The following BPTF variants were observed in gnomAD, a reference collection of about 807,000 sequenced individuals.
BPTF encodes bromodomain PHD finger transcription factor.
A neutral mutation model predicts 292.5 loss-of-function variants in BPTF; 18 were observed. The ratio of observed to expected loss-of-function variants is 0.06; its 90% confidence interval spans 0.04 to 0.09. The LOEUF is 0.09. Ranked by LOEUF, BPTF falls within the 10% of genes least tolerant of loss-of-function variation. The pLI, the probability that BPTF is intolerant of heterozygous loss-of-function variation, is 1.00. For missense variants in BPTF, 2,726 were observed against 3,498.7 expected, an observed-to-expected ratio of 0.78 and a Z score of 5.57; for synonymous variants, 1,225 against 1,251.9, an observed-to-expected ratio of 0.98 and a Z score of 0.45.
chr17:67,944,169 C>T lies in BPTF; in HGVS notation c.6497C>T (p.Thr2166Ile), dbSNP rs781971251. The change falls in exon 20 of 28, where the codon ACA becomes ATA. Residue 2166 changes from threonine (T) to isoleucine (I), a missense_variant. Coordinates refer to ENST00000306378, the MANE Select transcript of BPTF (RefSeq NM_182641.4). ...CCACAGGGTGGCAATCAAGGTTTGA[C>T]AGTAGTAATTCAAGGACAAGGTCAA... is the stretch of plus-strand genomic sequence containing the variant. ...TQGHGGNQGL[T>I]VVIQGQGQTT... 1 of 1,614,198 alleles carries T rather than the reference C, an allele frequency of 6.2e-7. No homozygotes were observed.
At chr17:67,861,832 A>G (rs975745423) in intron 2 of BPTF, among the ~76,000 whole-genome samples, 4 of 152,210 alleles carry the variant, frequency 2.6e-5, no homozygotes, top group Non-Finnish European at 4.4e-5. Context: ...CCTGTTGGCT[A>G]ACTAGCTCAT....
intron 22 of BPTF, 46 bp from the exon 23 acceptor site, chr17:67,948,035 C>A: frequency 6.4e-7 from 1 of 1,556,798 alleles, no homozygotes; most frequent in Non-Finnish European, 8.8e-7. Context: ...TTAAGCCTTT[C>A]AAAATGAAAC....
chr17:67,826,029 CG>C lies in BPTF; in HGVS notation c.311del (p.Gly104AlafsTer133). 1 of 1,177,974 alleles carries C rather than the reference CG, an allele frequency of 8.5e-7. No individual in the cohort carries two copies. 73.0% of individuals were successfully genotyped at this position (1,177,974 alleles called of 1,614,324 possible). A position where few individuals can be genotyped will look rare whatever the true frequency, so the allele number is the denominator to read the frequency against. On this transcript the variant is annotated frameshift_variant, in exon 1 of 28. Transcript: ENST00000306378. LOFTEE classifies it high-confidence loss of function. ...RGGRGGGGGRTGGGGGGGHLA... is the reference protein window; with the variant it reads ...RGGRGGGGGRXGGGGGGGHLA... ...GGGCGAGGAGGCGGGGGCGGCAGGA[CG>C]GGGGGCGGGGGCGGCGGCGGCCACC... is the stretch of plus-strand genomic sequence containing the variant.
At chr17:67,852,185 G>A (rs138351274) in intron 1 of BPTF, among the ~76,000 whole-genome samples, 178 of 151,974 alleles carry the variant, frequency 1.2e-3, no homozygotes, top group African/African-American at 4.2e-3. Flanking sequence ...TAATGACGTT[G>A]TATTTATACA....
intron 20 of BPTF, 152 bp downstream of exon 20, chr17:67,944,524 C>G (rs552907751): frequency 1.2e-6 from 1 of 822,220 alleles, no homozygotes; most frequent in Non-Finnish European, 1.9e-6. Context: ...CACAACGTCT[C>G]GAAGCTTTTG....
chr17:67,864,847 C>CT lies in BPTF; in HGVS notation c.1437-1617_1437-1616insT, dbSNP rs2059302659. 3.9e-5 allele frequency among the ~76,000 whole-genome samples: 6 copies of CT among 152,122 alleles called. No individual in the cohort carries two copies. The South Asian group carries it at 1.2e-3, about 32-fold the overall frequency. Reference sequence around the variant, plus strand: ...TGAGACAGAGTCTCGCTCTGTCACCCAGGCTAGAGTGAACTGGCGCGAACT... The same window carrying CT: ...TGAGACAGAGTCTCGCTCTGTCACCCTAGGCTAGAGTGAACTGGCGCGAACT... On this transcript the variant is annotated intron_variant, in intron 2 of 27. Transcript: ENST00000306378.
chr17:67,892,090 C>G, intron 5 of BPTF, 56 bp downstream of exon 5: 2 of 1,279,418 alleles, frequency 1.6e-6, no homozygotes, highest in Non-Finnish European at 2.1e-6. Flanking sequence ...ATTTTAATTA[C>G]CACACCTTAA....
Position 67,843,754 on chromosome 17 carries a change from C to CTTTTTTTTTTTTTTTTTT in BPTF, c.614-10175_614-10158dup, listed in dbSNP as rs56335701. Among the ~76,000 whole-genome samples, 47 of 62,228 alleles carry CTTTTTTTTTTTTTTTTTT rather than the reference C, an allele frequency of 7.6e-4. 10 individuals carry two copies. Among genetic ancestry groups the CTTTTTTTTTTTTTTTTTT allele is most frequent in the African/African-American group, 3.9e-3 (47 of 11,926 alleles). The allele number at this position is 62,228 out of a possible 152,430, so 40.8% of individuals were successfully genotyped here. On this transcript the variant is annotated intron_variant, in intron 1 of 27. Coordinates refer to ENST00000306378, the MANE Select transcript of BPTF (RefSeq NM_182641.4). Reference sequence around the variant, plus strand: ...TTTTTAAATTGTCTGGAGCAGTTGTCTTTTTTTTTTTTTTTTTTTTTTTTT... The same window carrying CTTTTTTTTTTTTTTTTTT: ...TTTTTAAATTGTCTGGAGCAGTTGTCTTTTTTTTTTTTTTTTTTTTTTTTTTTTTTTTTTTTTTTTTTT...
intron 1 of BPTF, among the ~76,000 whole-genome samples, chr17:67,840,868 CTTA>C (rs1179410003): frequency 6.6e-6 from 1 of 151,950 alleles, no homozygotes; most frequent in African/African-American, 2.4e-5. Flanking sequence ...CAGCCAATTT[CTTA>C]TTATTGAGTA....
At chr17:67,920,213 A>G (rs974708159) in intron 13 of BPTF, 70 bp downstream of exon 13, 45 of 1,521,166 alleles carry the variant, frequency 3.0e-5, no homozygotes, top group Non-Finnish European at 3.8e-5. Flanking sequence ...GAAATTTGAT[A>G]TAATTTTTTC....
intron 2 of BPTF, among the ~76,000 whole-genome samples, chr17:67,864,450 C>A (rs967287354): frequency 6.7e-6 from 1 of 150,022 alleles, no homozygotes; most frequent in African/African-American, 2.5e-5. Flanking sequence ...AGTGCTTGAA[C>A]CCAGGAGGCA....
At chr17:67,892,927 C>A (rs2061218096) in intron 5 of BPTF, among the ~76,000 whole-genome samples, 1 of 152,036 alleles carries the variant, frequency 6.6e-6, no homozygotes, top group Non-Finnish European at 1.5e-5. Context: ...TCCATGGGGT[C>A]TTACACTGTA....
chr17:67,966,492 T>G, intron 25 of BPTF, 80 bp from the exon 26 acceptor site: 1 of 1,277,260 alleles, frequency 7.8e-7, no homozygotes, highest in South Asian at 1.3e-5. Flanking sequence ...TTTGGGTTCA[T>G]TGATGTAGTA....
chr17:67,923,968 A>G (rs890402327), intron 14 of BPTF, among the ~76,000 whole-genome samples: 34 of 149,878 alleles, frequency 2.3e-4, no homozygotes, highest in Admixed American at 6.0e-4. Flanking sequence ...CAGCCTGCCA[A>G]GTAGCTGGGA....
chr17:67,914,738 A>G (rs1033211911), intron 11 of BPTF, among the ~76,000 whole-genome samples: 1 of 152,280 alleles, frequency 6.6e-6, no homozygotes. Flanking sequence ...GTCCCAATCA[A>G]GTGTTGCTCG....
chr17:67,829,418 C>T (rs1173205894), intron 1 of BPTF, among the ~76,000 whole-genome samples: 2 of 151,868 alleles, frequency 1.3e-5, no homozygotes, highest in African/African-American at 4.8e-5. Flanking sequence ...ATACGTGTGC[C>T]ATGGTGGCTT....
chr17:67,893,492 C>A lies in BPTF; in HGVS notation c.2178C>A (p.His726Gln). 3 of 1,614,006 alleles carry A rather than the reference C, an allele frequency of 1.9e-6. No homozygotes were observed. The highest frequency in any genetic ancestry group is 2.5e-6 in the Non-Finnish European group (3 of 1,179,904). The change falls in exon 6 of 28, where the codon CAC becomes CAA. Residue 726 changes from histidine to glutamine, a missense_variant. By Grantham distance (24) the His-to-Gln change is conservative. This residue lies in a region of BPTF where 63 missense variants were observed against 84.1 expected (regional missense o/e 0.75). Coordinates refer to ENST00000306378, the MANE Select transcript of BPTF (RefSeq NM_182641.4). Reference sequence around the variant, plus strand: ...AAGAAGGGAAGTATCGCGTCTACCACAATCAATACTCCACCAATTCATTTG... The same window carrying A: ...AAGAAGGGAAGTATCGCGTCTACCAAAATCAATACTCCACCAATTCATTTG... Reference protein sequence around the residue: ...LGQEGKYRVYHNQYSTNSFAL... With the variant: ...LGQEGKYRVYQNQYSTNSFAL...
chr17:67,968,887 C>T lies in BPTF; in HGVS notation c.8539+2231C>T, dbSNP rs572520282. Among the ~76,000 whole-genome samples, 42 of 151,226 alleles carry T rather than the reference C, an allele frequency of 2.8e-4. No individual in the cohort carries two copies. In the South Asian group the frequency reaches 6.4e-3, roughly 23 times the overall value. On this transcript the variant is annotated intron_variant, in intron 26 of 27. Transcript: ENST00000306378. ...ATCCTAGCTGCTCGGGAGGCTGAGG[C>T]GGAGAATTGCTTGAACCTGGAAGGC... is the stretch of plus-strand genomic sequence containing the variant.
intron 4 of BPTF, among the ~76,000 whole-genome samples, chr17:67,879,378 G>T (rs992052154): frequency 1.6e-4 from 25 of 152,206 alleles, no homozygotes; most frequent in African/African-American, 5.8e-4. Flanking sequence ...CTGACCTCAT[G>T]ATCCACCCGC....
Sources: allele counts gnomAD v4.1 joint callset (sites outside exome capture counted in the v4.1 genomes callset), GRCh38; gene constraint gnomAD v4.1.1; regional missense constraint gnomAD v4.1.1; transcripts MANE v1.5; gene names NCBI Gene and HGNC (gene_info 2026-07-23, HGNC 2026-07-21).